The following CASD1 variants were observed in gnomAD, a reference collection of about 807,000 sequenced individuals.
CASD1 encodes CAS1 domain sialic acid O acetyltransferase 1, also known as N-acetylneuraminate (7)9-O-acetyltransferase.
Under a neutral mutation model 100.0 loss-of-function variants are expected in CASD1, and 41 were observed. The ratio of observed to expected loss-of-function variants is 0.41; its 90% CI spans 0.32 to 0.53. The LOEUF (loss-of-function observed/expected upper bound fraction) is 0.53, where lower values mean the gene tolerates loss of function less well. Among genes scored for constraint, CASD1 ranks in the 20% least tolerant of loss-of-function variants. The pLI is 0.25. For missense variants in CASD1, 774 were observed against 948.7 expected, an observed-to-expected ratio of 0.82 and a Z score of 2.42; for synonymous variants, 321 against 315.6, an observed-to-expected ratio of 1.02 and a Z score of -0.18.
At chr7:94,629,260 T>C in the CASD1 span, 1 of 154,390 alleles carries the variant, frequency 6.5e-6, no homozygotes, top group East Asian at 1.9e-4. Context: ...AAGGAAAAAT[T>C]AATCTCCATA....
chr7:94,519,359 A>G (rs936553117), intron 3 of CASD1, among the ~76,000 whole-genome samples: 4 of 152,172 alleles, frequency 2.6e-5, no homozygotes, highest in Non-Finnish European at 5.9e-5. Context: ...AAAGTTTAGA[A>G]TTGTGAGGGG....
the CASD1 span, chr7:94,587,712 T>C: frequency 6.6e-5 from 102 of 1,535,516 alleles, no homozygotes; most frequent in Middle Eastern, 1.6e-3. Context: ...GTAATCAAAA[T>C]TGTAGGGAAA....
At chr7:94,577,373 A>G in the CASD1 span, among the ~76,000 whole-genome samples, 1 of 152,308 alleles carries the variant, frequency 6.6e-6, no homozygotes, top group Non-Finnish European at 1.5e-5. Context: ...ATGTGTAGCC[A>G]CTGAAGTCTC....
At chr7:94,515,814 C>G (rs895770482) in intron 1 of CASD1, among the ~76,000 whole-genome samples, 5 of 152,200 alleles carry the variant, frequency 3.3e-5, no homozygotes, top group Non-Finnish European at 7.4e-5. Context: ...TTACAACTTA[C>G]AGCTTTTTTA....
At chr7:94,630,120 A>G in the CASD1 span, among the ~76,000 whole-genome samples, 1 of 151,992 alleles carries the variant, frequency 6.6e-6, no homozygotes, top group African/African-American at 2.4e-5. Context: ...TTATCAAATA[A>G]TGAAGCTATC....
At chr7:94,511,727 A>G (rs1370307593) in intron 1 of CASD1, among the ~76,000 whole-genome samples, 2 of 152,190 alleles carry the variant, frequency 1.3e-5, no homozygotes, top group East Asian at 1.9e-4. Context: ...CTACAGTACT[A>G]TTGTCCTAAG....
At chr7:94,571,755 T>C in the CASD1 span, among the ~76,000 whole-genome samples, 1 of 152,118 alleles carries the variant, frequency 6.6e-6, no homozygotes, top group Non-Finnish European at 1.5e-5. Context: ...TGGATGACTT[T>C]TAAAATTCCA....
In CASD1 at chr7:94,551,326, T is replaced by C; in HGVS notation, c.1816-12T>C. 1 of 1,532,920 alleles carries C rather than the reference T, an allele frequency of 6.5e-7. No homozygotes were observed. Among genetic ancestry groups the C allele is most frequent in the South Asian group, 1.3e-5 (1 of 75,882 alleles). The allele number at this position is 1,532,920 out of a possible 1,614,324, so 95.0% of individuals were successfully genotyped here. A position where few individuals can be genotyped will look rare whatever the true frequency, so the allele number is the denominator to read the frequency against. ...AACTGTTTAAAACAAATTTTCTCTC[T>C]TTACTTTTCAGGTAGTTTTCCACGG... On this transcript the variant is annotated splice_polypyrimidine_tract_variant and intron_variant, in intron 14 of 17. Coordinates refer to ENST00000297273, the MANE Select transcript of CASD1 (RefSeq NM_022900.5).
At chr7:94,527,097 A>G (rs1562936906) in intron 3 of CASD1, 65 bp from the exon 4 acceptor site, 1 of 1,226,932 alleles carries the variant, frequency 8.2e-7, no homozygotes, top group Non-Finnish European at 1.2e-6. Context: ...AAAGCAGCTA[A>G]ATGGGGCATT....
intron 9 of CASD1, among the ~76,000 whole-genome samples, chr7:94,538,527 G>A (rs944866443): frequency 3.3e-5 from 5 of 152,240 alleles, no homozygotes; most frequent in Admixed American, 6.5e-5. Flanking sequence ...ATATACTGGG[G>A]AAAGTAAACT....
chr7:94,511,608 T>C (rs1241218146), intron 1 of CASD1, among the ~76,000 whole-genome samples: 1 of 152,214 alleles, frequency 6.6e-6, no homozygotes. Flanking sequence ...TGTGGTGGTT[T>C]TGAGGAAATA....
In CASD1 at chr7:94,545,373, A is replaced by G. The variant is rs540428410; in HGVS notation, c.1477-172A>G. Among the ~76,000 whole-genome samples, 8 of 152,178 alleles carry G rather than the reference A, an allele frequency of 5.3e-5. No homozygotes were observed. The East Asian group carries it at 1.2e-3, about 22-fold the overall frequency. On this transcript the variant is annotated intron_variant, in intron 11 of 17. Coordinates refer to ENST00000297273, the MANE Select transcript of CASD1 (RefSeq NM_022900.5). ...ACATATTTTATATTCAGCTCTTTAC[A>G]GTGAATGTAAAACAAATGTAATTTA...
intron 3 of CASD1, 59 bp from the exon 4 acceptor site, chr7:94,527,103 G>T: frequency 1.2e-5 from 15 of 1,277,678 alleles, no homozygotes; most frequent in Admixed American, 1.8e-5. Context: ...GCTAAATGGG[G>T]CATTTTTTAT....
intron 11 of CASD1, among the ~76,000 whole-genome samples, chr7:94,545,240 A>G (rs1401416273): frequency 2.0e-5 from 3 of 152,124 alleles, no homozygotes; most frequent in Non-Finnish European, 4.4e-5. Context: ...CTTCTACACT[A>G]TAGCCCTCAG....
At chr7:94,588,392 G>A in the CASD1 span, 13 of 1,173,102 alleles carry the variant, frequency 1.1e-5, no homozygotes, top group East Asian at 6.0e-4. Flanking sequence ...TTCATACCAA[G>A]GGGAAGAATA....
chr7:94,585,592 A>G, the CASD1 span: 1 of 916,782 alleles, frequency 1.1e-6, no homozygotes, highest in Admixed American at 1.7e-5. Flanking sequence ...AAAGCAAATT[A>G]TGGCAAGGAG....
In CASD1 at chr7:94,535,589, A is replaced by G. The variant is rs546884916; in HGVS notation, c.843+66A>G. 9.0e-6 allele frequency: 10 copies of G among 1,113,324 alleles called. No individual in the cohort carries two copies. The East Asian group carries it at 1.9e-4, about 21-fold the overall frequency. 69.0% of individuals were successfully genotyped at this position (1,113,324 alleles called of 1,614,324 possible). A position where few individuals can be genotyped will look rare whatever the true frequency, so the allele number is the denominator to read the frequency against. On this transcript the variant is annotated intron_variant, in intron 8 of 17. Coordinates refer to ENST00000297273, the MANE Select transcript of CASD1 (RefSeq NM_022900.5). ...TATCAATTGCTTTAAGCCATAAGTC[A>G]TTATAACATGGTTATAAATAATTTG...
the CASD1 span, among the ~76,000 whole-genome samples, chr7:94,570,055 C>T: frequency 2.0e-5 from 3 of 152,126 alleles, no homozygotes; most frequent in South Asian, 2.1e-4. Flanking sequence ...CCTTGTGATC[C>T]GCCTGCCTCA....
intron 6 of CASD1, 126 bp downstream of exon 6, chr7:94,533,375 AT>A: frequency 1.5e-6 from 1 of 672,188 alleles, no homozygotes; most frequent in Non-Finnish European, 2.4e-6. Flanking sequence ...TTCTATTATG[AT>A]TAGATTGATG....
Sources: gnomAD v4.1 joint callset for allele counts (sites outside exome capture counted in the v4.1 genomes callset) on GRCh38, gnomAD v4.1.1 for gene constraint, MANE v1.5 for transcripts, NCBI Gene and HGNC (gene_info 2026-07-23, HGNC 2026-07-21) for gene names.